The following GET1 variants were observed in gnomAD, a reference collection of about 807,000 sequenced individuals.
The protein encoded by GET1 is congenital heart disease 5 protein.
Under a neutral mutation model 22.6 loss-of-function variants are expected in GET1, and 20 were observed. The ratio of observed to expected loss-of-function variants is 0.89; its 90% CI spans 0.62 to 1.29. The LOEUF (loss-of-function observed/expected upper bound fraction) is 1.29, where lower values mean the gene tolerates loss of function less well. GET1 is among the 50% of genes most tolerant of loss of function. GET1 has a pLI of 0.00. For missense variants in GET1, 209 were observed against 219.9 expected, an observed-to-expected ratio of 0.95 and a Z score of 0.31; for synonymous variants, 92 against 83.8, an observed-to-expected ratio of 1.10 and a Z score of -0.53.
chr21:39,380,468 C>T lies in GET1; in HGVS notation c.84C>T (p.Leu28=), dbSNP rs139208510. 1.7e-4 allele frequency: 282 copies of T among 1,612,760 alleles called. 1 individual carries two copies. The African/African-American group carries it at 3.2e-3, about 18-fold the overall frequency. ...VFGCNVLRIL[L]PSFSSFMSRV... Reference sequence around the variant, plus strand: ...GATGCAATGTTCTTAGGATCCTCCTCCCGTCCTTCTCATCCTTCGTAAGTG... The same window carrying T: ...GATGCAATGTTCTTAGGATCCTCCTTCCGTCCTTCTCATCCTTCGTAAGTG... The change falls in exon 1 of 5, where the codon CTC becomes CTT. Residue 28 remains leucine (L), a synonymous_variant. Transcript: ENST00000649170.
chr21:39,389,403 T>C (rs1340535590), intron 1 of GET1, among the ~76,000 whole-genome samples: 1 of 152,034 alleles, frequency 6.6e-6, no homozygotes, highest in Non-Finnish European at 1.5e-5. Context: ...CACCCCGGCC[T>C]CCAGAGTGTT....
At chr21:39,387,986 T>A in intron 1 of GET1, 1 of 451,776 alleles carries the variant, frequency 2.2e-6, no homozygotes, top group Non-Finnish European at 2.9e-6. Flanking sequence ...GCAGAAAAGT[T>A]ATATACAGTC....
chr21:39,417,712 A>G (rs2041476647), intron 1 of GET1, among the ~76,000 whole-genome samples: 2 of 152,136 alleles, frequency 1.3e-5, no homozygotes, highest in Non-Finnish European at 2.9e-5. Context: ...ATGGCAGTGG[A>G]CAACAGAGGA....
At chr21:39,421,192 T>C (rs1178073501) in intron 1 of GET1, among the ~76,000 whole-genome samples, 1 of 148,624 alleles carries the variant, frequency 6.7e-6, no homozygotes, top group East Asian at 2.1e-4. Flanking sequence ...AGCCTCCACC[T>C]CCTGGGTTCA....
intron 4 of GET1, among the ~76,000 whole-genome samples, chr21:39,393,796 T>G (rs28696176): frequency 6.6e-6 from 1 of 151,966 alleles, no homozygotes; most frequent in African/African-American, 2.4e-5. Context: ...ATTACAGGCA[T>G]GCACTACCAC....
rs565255258 is a variant in GET1 at position 39,388,549 on chromosome 21, A to G, written c.103-2149A>G. The stretch of plus-strand genomic sequence containing the variant: ...CAGTGATTTCGCAGAAGGGACGCCT[A>G]CTGGCATGTCTGATACTTGGTAGGG... On this transcript the variant is annotated intron_variant, in intron 1 of 4. Coordinates refer to ENST00000649170, the MANE Select transcript of GET1 (RefSeq NM_004627.6). 3.9e-5 allele frequency among the ~76,000 whole-genome samples: 6 copies of G among 152,306 alleles called. No individual in the cohort carries two copies. In the South Asian group the frequency reaches 1.2e-3, roughly 32 times the overall value.
At chr21:39,393,023 T>C in intron 3 of GET1, 143 bp from the exon 4 acceptor site, 1 of 623,920 alleles carries the variant, frequency 1.6e-6, no homozygotes, top group South Asian at 2.0e-5. Context: ...TCATCTGTTG[T>C]CTGTGGGGAC....
At chr21:39,409,377 G>A (rs1332043125), downstream of GET1, among the ~76,000 whole-genome samples, 4 of 152,012 alleles carry the variant, frequency 2.6e-5, no homozygotes, top group African/African-American at 9.7e-5. This position sits in a 1 kb window ranked among gnomAD's most constrained non-coding sequence, Gnocchi z 4.2. Context: ...CCAAGCAGAC[G>A]AATGTAGCTA....
downstream of GET1, chr21:39,411,105 C>T (rs1198018720): frequency 3.0e-6 from 1 of 336,766 alleles, no homozygotes; most frequent in Admixed American, 4.1e-5. Flanking sequence ...TGAACAAAAG[C>T]AGCCAGATAC....
intron 4 of GET1, among the ~76,000 whole-genome samples, chr21:39,404,750 CAA>C (rs748914343): frequency 1.1e-3 from 99 of 88,156 alleles, no homozygotes; most frequent in East Asian, 5.3e-3. Context: ...GAGACACTGT[CAA>C]AAAAAAAAAA....
chr21:39,427,442 CA>C (rs1318380951), intron 1 of GET1, among the ~76,000 whole-genome samples: 10 of 152,000 alleles, frequency 6.6e-5, no homozygotes, highest in Admixed American at 3.3e-4. Flanking sequence ...GCAGGCGGAT[CA>C]CGAGGTCAGG....
chr21:39,425,119 C>T (rs185435087), intron 1 of GET1, among the ~76,000 whole-genome samples: 23 of 152,230 alleles, frequency 1.5e-4, no homozygotes, highest in Admixed American at 1.2e-3. Flanking sequence ...TATCTAGATT[C>T]GGAGAAGGAG....
downstream of GET1, chr21:39,406,638 G>C (rs778323633): frequency 1.3e-6 from 2 of 1,520,774 alleles, no homozygotes; most frequent in Non-Finnish European, 1.8e-6. Context: ...AGGCAATTTA[G>C]TGCTGTTTAA....
downstream of GET1, among the ~76,000 whole-genome samples, chr21:39,409,602 TA>T (rs1365179788): frequency 2.0e-5 from 3 of 152,028 alleles, no homozygotes; most frequent in African/African-American, 2.4e-5. The surrounding 1 kb of genome is among the most constrained non-coding windows in gnomAD (Gnocchi z 4.2). Context: ...GTTTTTTTTT[TA>T]ATTTTTTGAG....
At chr21:39,407,335 AG>A (rs2039249696), downstream of GET1, among the ~76,000 whole-genome samples, 1 of 152,212 alleles carries the variant, frequency 6.6e-6, no homozygotes, top group South Asian at 2.1e-4. Context: ...GCTGGTGAGA[AG>A]ATGGGGAAAT....
intron 1 of GET1, among the ~76,000 whole-genome samples, chr21:39,427,373 C>G (rs1203855314): frequency 3.9e-5 from 6 of 152,132 alleles, no homozygotes; most frequent in Non-Finnish European, 8.8e-5. Context: ...CTTTAAAAAT[C>G]TACAAAGAGC....
At chr21:39,396,840 C>T (rs576175334) in intron 4 of GET1, 26 bp from the exon 5 acceptor site, 4 of 1,611,860 alleles carry the variant, frequency 2.5e-6, no homozygotes, top group Non-Finnish European at 3.4e-6. Flanking sequence ...GGTATGCGCT[C>T]TCATGGTGAA....
downstream of GET1, among the ~76,000 whole-genome samples, chr21:39,409,488 T>G (rs898917763): frequency 2.6e-5 from 4 of 152,116 alleles, no homozygotes; most frequent in Non-Finnish European, 5.9e-5. The surrounding 1 kb of genome is among the most constrained non-coding windows in gnomAD (Gnocchi z 4.2). Flanking sequence ...GATATGATTG[T>G]GAAGGGCCCA....
At chr21:39,401,906 T>C (rs1473299851), downstream of GET1, among the ~76,000 whole-genome samples, 1 of 152,114 alleles carries the variant, frequency 6.6e-6, no homozygotes, top group Non-Finnish European at 1.5e-5. Flanking sequence ...AATGTATAAA[T>C]GTGTGTGTGC....
Sources: allele counts gnomAD v4.1 joint callset (sites outside exome capture counted in the v4.1 genomes callset), GRCh38; gene constraint gnomAD v4.1.1; non-coding constraint Gnocchi (gnomAD v3.1); transcripts MANE v1.5; gene names NCBI Gene and HGNC (gene_info 2026-07-23, HGNC 2026-07-21).